Variants in FASN observed in about 807,000 individuals in gnomAD.
FASN encodes the protein 3-hydroxyacyl-[acyl-carrier-protein] dehydratase.
In FASN, 50 loss-of-function variants were observed where a neutral mutation model predicts 250.0. That is an observed-to-expected ratio of 0.20 (90% CI 0.16 to 0.25). The LOEUF (loss-of-function observed/expected upper bound fraction) is 0.25. FASN is among the 10% of genes least tolerant of loss of function. The probability of loss-of-function intolerance (pLI) is 1.00; values close to 1 mark genes in which losing one functional copy is unlikely to be tolerated. For missense variants in FASN, 3,031 were observed against 3,498.5 expected, an observed-to-expected ratio of 0.87 and a Z score of 3.37; for synonymous variants, 1,909 against 1,584.0, an observed-to-expected ratio of 1.21 and a Z score of -4.87.
chr17:82,079,217 T>C lies in FASN; in HGVS notation c.7462A>G (p.Ser2488Gly). 1 of 1,612,972 alleles carries C rather than the reference T, an allele frequency of 6.2e-7. No individual in the cohort carries two copies. The highest frequency in any genetic ancestry group is 8.5e-7 in the Non-Finnish European group (1 of 1,179,944). Residue 2488 changes from serine (S) to glycine (G), a missense_variant, in exon 43 of 43, where the codon AGC becomes GGC. Physicochemically the swap from Ser to Gly is moderately conservative, Grantham distance 56. Coordinates refer to ENST00000306749, the MANE Select transcript of FASN (RefSeq NM_004104.5). The part of the protein sequence containing the change: ...EGDHRTLLEG[S>G]GLESIISIIH... ...ATGCTGATGATGGACTCCAGGCCGC[T>C]GCCCTCCAGCAGCGTGCGGTGGTCA...
chr17:82,087,602 C>T (rs2034128324), intron 19 of FASN, 83 bp downstream of exon 19: 18 of 1,600,874 alleles, frequency 1.1e-5, no homozygotes, highest in Non-Finnish European at 1.5e-5. Flanking sequence ...AAGCTGCATG[C>T]CTAGCTGTGG....
In FASN at chr17:82,089,447, T is replaced by C. The variant is rs2034163693; in HGVS notation, c.1966-63A>G. 5 of 1,611,162 alleles carry C rather than the reference T, an allele frequency of 3.1e-6. No individual in the cohort carries two copies. In the Admixed American group the frequency reaches 5.0e-5, roughly 16 times the overall value. On this transcript the variant is annotated intron_variant, in intron 12 of 42. Coordinates refer to ENST00000306749, the MANE Select transcript of FASN (RefSeq NM_004104.5). The stretch of plus-strand genomic sequence containing the variant: ...GGCACCCACCTCAGGCTCGGAGAGG[T>C]AGGGCGCACCCACCTCACCCCAAGG...
At position 82,082,551 on chromosome 17, in the gene FASN, C is replaced by G. The variant is rs1412627173; in HGVS notation, c.5895G>C (p.Val1965=). 11 of 1,608,820 alleles carry G rather than the reference C, an allele frequency of 6.8e-6. No homozygotes were observed. The highest frequency in any genetic ancestry group is 9.3e-6 in the Non-Finnish European group (11 of 1,179,822). The part of the protein sequence containing the change: ...LIAEAAQLGP[V]GGVFNLAVVL... ...CCACGGCCAGGTTGAAGACGCCGCCCACGGGCCCAAGCTGCGCCGCCTCGG... is the reference window on the plus strand; with the variant it reads ...CCACGGCCAGGTTGAAGACGCCGCCGACGGGCCCAAGCTGCGCCGCCTCGG... The change falls in exon 34 of 43, where the codon GTG becomes GTC. Residue 1965 remains valine, a synonymous_variant. Transcript: ENST00000306749.
Position 82,090,869 on chromosome 17 carries a change from G to A in FASN, c.1680+13C>T, listed in dbSNP as rs761696119. ...GGCTGGCGTTGCTCACACGCTGGCAGGCTGGGCCCTACCTGGATGGCAGTC... is the reference window on the plus strand; with the variant it reads ...GGCTGGCGTTGCTCACACGCTGGCAAGCTGGGCCCTACCTGGATGGCAGTC... On this transcript the variant is annotated intron_variant, in intron 10 of 42. Coordinates refer to ENST00000306749, the MANE Select transcript of FASN (RefSeq NM_004104.5). 5.2e-5 allele frequency: 82 copies of A among 1,571,038 alleles called. 2 individuals are homozygous for A. The highest frequency in any genetic ancestry group is 6.7e-5 in the Non-Finnish European group (78 of 1,159,410).
chr17:82,093,115 G>A lies in FASN; in HGVS notation c.656-96C>T, dbSNP rs1488731058. On this transcript the variant is annotated intron_variant, in intron 5 of 42. Transcript: ENST00000306749. ...GGGGTGTGGGGTGGGTGCTTGGGTG[G>A]GGGATCCCCGGAGCTGGCAGGATCC... The A allele has an allele frequency of 3.8e-6, 6 of 1,562,752 alleles. No individual in the cohort carries two copies. The African/African-American group carries it at 6.8e-5, about 18-fold the overall frequency.
At position 82,090,915 on chromosome 17, in the gene FASN, G is replaced by T. The variant is rs1321051739; in HGVS notation, c.1647C>A (p.Ile549=). 1.9e-6 allele frequency: 3 copies of T among 1,607,928 alleles called. No homozygotes were observed. The highest frequency in any genetic ancestry group is 2.5e-6 in the Non-Finnish European group (3 of 1,177,764). ...CAGTCAGGCTCACAAACGAATGGAC[G>T]ATGTCATCAAAGGTGCTCTCGTCTG... is the stretch of plus-strand genomic sequence containing the variant. ...LSTDESTFDD[I]VHSFVSLTAI... is the part of the protein sequence containing the mutation. Residue 549 remains isoleucine, a synonymous_variant, in exon 10 of 43, where the codon ATC becomes ATA. Transcript: ENST00000306749.
chr17:82,089,804 G>C, intron 11 of FASN, 78 bp from the exon 12 acceptor site: 1 of 1,192,402 alleles, frequency 8.4e-7, no homozygotes, highest in Non-Finnish European at 1.2e-6. Context: ...GACACTGCCT[G>C]CAGCTGGGGG....
At chr17:82,085,207 G>A (rs1290883932) in intron 24 of FASN, 31 bp downstream of exon 24, 2 of 1,612,184 alleles carry the variant, frequency 1.2e-6, no homozygotes, top group Non-Finnish European at 8.5e-7. Context: ...TGGGAGGTGG[G>A]GTGGGGCCTG....
chr17:82,098,129 G>C lies in FASN; in HGVS notation c.-16C>G. On this transcript the variant is annotated 5_prime_UTR_variant, in exon 1 of 43. Transcript: ENST00000306749. Reference sequence around the variant, plus strand: ...GCGCCGGCTGCTCGTACCTGGTGAGGGCGCGGGCGGCGGTGCGGGCGGCGG... The same window carrying C: ...GCGCCGGCTGCTCGTACCTGGTGAGCGCGCGGGCGGCGGTGCGGGCGGCGG... The C allele has an allele frequency of 2.9e-6, 1 of 346,826 alleles. No individual in the cohort carries two copies. The highest frequency in any genetic ancestry group is 5.2e-6 in the Non-Finnish European group (1 of 192,290). The allele number at this position is 346,826 out of a possible 1,614,324, so 21.5% of individuals were successfully genotyped here.
chr17:82,080,609 G>A lies in FASN; in HGVS notation c.6827-19C>T, dbSNP rs1201104159. ...GGCGCAGCTGCAATGGCAGTGCCGGGCACTCAGCATGTGCAGGCGGCAGCC... is the reference window on the plus strand; with the variant it reads ...GGCGCAGCTGCAATGGCAGTGCCGGACACTCAGCATGTGCAGGCGGCAGCC... On this transcript the variant is annotated intron_variant, in intron 39 of 42. Coordinates refer to ENST00000306749, the MANE Select transcript of FASN (RefSeq NM_004104.5). 2 of 1,552,178 alleles carry A rather than the reference G, an allele frequency of 1.3e-6. No individual in the cohort carries two copies. The highest frequency in any genetic ancestry group is 2.0e-5 in the Admixed American group (1 of 51,276).
chr17:82,084,091 A>G lies in FASN; in HGVS notation c.4982T>C (p.Val1661Ala). ...VYSTAYYALV[V>A]RGRVRPGETL... ...CTCCCCGGGGCGCACCCGCCCACGC[A>G]CCACCAGCGCGTAGTAGGCCGTGCT... is the stretch of plus-strand genomic sequence containing the variant. Residue 1661 changes from valine to alanine, a missense_variant, in exon 29 of 43, where the codon GTG (valine) becomes GCG (alanine). By Grantham distance (64) the Val-to-Ala change is moderately conservative. Transcript: ENST00000306749. 1.9e-6 allele frequency: 3 copies of G among 1,564,512 alleles called. No individual in the cohort carries two copies. The highest frequency in any genetic ancestry group is 2.6e-6 in the Non-Finnish European group (3 of 1,156,096).
Position 82,083,412 on chromosome 17 carries a change from G to A in FASN, c.5355C>T (p.Phe1785=), listed in dbSNP as rs2034027640. 1 of 1,612,752 alleles carries A rather than the reference G, an allele frequency of 6.2e-7. No homozygotes were observed. The highest frequency in any genetic ancestry group is 8.5e-7 in the Non-Finnish European group (1 of 1,180,002). ...SQNHPLGMAI[F]LKNVTFHGVL... The stretch of plus-strand genomic sequence containing the variant: ...CCCCGTGGAATGTCACGTTCTTCAG[G>A]AAGATAGCCATGCCTGCGGGCAGGG... Residue 1785 remains phenylalanine, a synonymous_variant, in exon 32 of 43, where the codon TTC becomes TTT. Coordinates refer to ENST00000306749, the MANE Select transcript of FASN (RefSeq NM_004104.5).
chr17:82,078,921 G>T lies in FASN; in HGVS notation c.*222C>A. The T allele has an allele frequency of 1.6e-6, 1 of 630,236 alleles. No individual in the cohort carries two copies. Among genetic ancestry groups the T allele is most frequent in the Non-Finnish European group, 2.8e-6 (1 of 359,690 alleles). The allele number at this position is 630,236 out of a possible 1,614,324, so 39.0% of individuals were successfully genotyped here. A position where few individuals can be genotyped will look rare whatever the true frequency, so the allele number is the denominator to read the frequency against. On this transcript the variant is annotated 3_prime_UTR_variant, in exon 43 of 43. Transcript: ENST00000306749. The surrounding 1 kb of genome is among the most constrained non-coding windows in gnomAD (Gnocchi z 5.4). ...GGCACCACCGGCTCTTCACAGACCAGGAGTCTCCAAGTCGGCAGCTCTGGT... is the reference window on the plus strand; with the variant it reads ...GGCACCACCGGCTCTTCACAGACCATGAGTCTCCAAGTCGGCAGCTCTGGT...
chr17:82,089,463 C>T, intron 12 of FASN, 79 bp from the exon 13 acceptor site: 8 of 1,609,798 alleles, frequency 5.0e-6, no homozygotes, highest in Non-Finnish European at 6.8e-6. Context: ...GCACCCACCT[C>T]ACCCCAAGGG....
At chr17:82,094,410 T>C (rs2144809865) in intron 3 of FASN, among the ~76,000 whole-genome samples, 1 of 151,552 alleles carries the variant, frequency 6.6e-6, no homozygotes, top group South Asian at 2.1e-4. Context: ...GGTGGGTGTG[T>C]GAACCGCTCA....
chr17:82,095,245 AAGAAG>A (rs1347174362), intron 3 of FASN, 70 bp downstream of exon 3: 20 of 1,539,152 alleles, frequency 1.3e-5, no homozygotes, highest in South Asian at 4.5e-5. Flanking sequence ...TACCAGAACC[AAGAAG>A]AGAAAACACT....
In FASN at chr17:82,080,387, C is replaced by T. The variant is rs766955776; in HGVS notation, c.7030G>A (p.Val2344Ile). 1.4e-5 allele frequency: 22 copies of T among 1,602,708 alleles called. No homozygotes were observed. Among genetic ancestry groups the T allele is most frequent in the Middle Eastern group, 1.6e-4 (1 of 6,070 alleles). Residue 2344 changes from valine (V) to isoleucine (I), a missense_variant, in exon 40 of 43, where the codon GTA (valine) becomes ATA (isoleucine). Val to Ile is a conservative substitution (Grantham distance 29, BLOSUM62 3). Coordinates refer to ENST00000306749, the MANE Select transcript of FASN (RefSeq NM_004104.5). ...LFLFDGSPTY[V>I]LAYTQSYRAK... ...GCTCTCACCTGGGTGTAGGCCAGTA[C>T]GTAGGTGGGCGAGCCGTCGAACAGG...
chr17:82,089,603 G>A, intron 12 of FASN, 29 bp downstream of exon 12: 1 of 1,571,454 alleles, frequency 6.4e-7, no homozygotes, highest in Non-Finnish European at 8.6e-7. Flanking sequence ...GCAGGGGACA[G>A]AGGAGCCCGC....
In FASN at chr17:82,088,864, G is replaced by A. The variant is rs1338839845; in HGVS notation, c.2317C>T (p.Arg773Cys). ...PHALLQAVLK[R>C]GLKPSCTIIP... ...ATGGTGCAGCTCGGCTTCAGGCCAC[G>A]CTTCAGGACAGCCTGGGGGCGGCAG... is the stretch of plus-strand genomic sequence containing the variant. Residue 773 changes from arginine to cysteine, a missense_variant, in exon 15 of 43, where the codon CGT (arginine) becomes TGT (cysteine). Coordinates refer to ENST00000306749, the MANE Select transcript of FASN (RefSeq NM_004104.5). The A allele has an allele frequency of 1.2e-6, 2 of 1,612,320 alleles. No homozygotes were observed. The highest frequency in any genetic ancestry group is 1.3e-5 in the African/African-American group (1 of 74,908).
Sources: allele counts gnomAD v4.1 joint callset (sites outside exome capture counted in the v4.1 genomes callset), GRCh38; gene constraint gnomAD v4.1.1; non-coding constraint Gnocchi (gnomAD v3.1); transcripts MANE v1.5; gene names NCBI Gene and HGNC (gene_info 2026-07-23, HGNC 2026-07-21).